The following PIWIL1 variants were observed in gnomAD, a reference collection of about 807,000 sequenced individuals.
The protein encoded by PIWIL1 is piwi-like protein 1.
PIWIL1 carries 73 observed loss-of-function variants against 114.4 expected under a neutral mutation model. The ratio of observed to expected loss-of-function variants is 0.64; its 90% confidence interval spans 0.53 to 0.78. The LOEUF (loss-of-function observed/expected upper bound fraction) is 0.78. PIWIL1 is among the 30% of genes least tolerant of loss of function. The pLI is 0.00. For missense variants in PIWIL1, 723 were observed against 1,063.1 expected (o/e 0.68, Z 4.45); for synonymous variants, 375 against 369.0 (o/e 1.02, Z -0.19).
At chr12:130,364,434 A>G (rs35608650) in intron 18 of PIWIL1, among the ~76,000 whole-genome samples, 4,032 of 152,314 alleles carry the variant, frequency 0.026, 64 homozygotes, top group Middle Eastern at 0.051. Context: ...CCAATGCTAA[A>G]AGGCCCCACA....
chr12:130,422,798 TG>T, the PIWIL1 span, among the ~76,000 whole-genome samples: 4 of 152,046 alleles, frequency 2.6e-5, no homozygotes, highest in Non-Finnish European at 5.9e-5. This position sits in a 1 kb window ranked among gnomAD's most constrained non-coding sequence, Gnocchi z 5.2. Context: ...TAATTCCTTG[TG>T]GGGGGGTCTC....
chr12:130,345,570 T>C, intron 3 of PIWIL1, 183 bp from the exon 4 acceptor site: 2 of 584,216 alleles, frequency 3.4e-6, no homozygotes, highest in Non-Finnish European at 2.9e-6. Flanking sequence ...AATGAAGTTA[T>C]AACTAGGAAA....
chr12:130,424,885 G>A, the PIWIL1 span: 2 of 1,206,996 alleles, frequency 1.7e-6, no homozygotes. This position sits in a 1 kb window ranked among gnomAD's most constrained non-coding sequence, Gnocchi z 9.8. Context: ...TCAAGAACAG[G>A]CGCGGGAAAG....
the PIWIL1 span, among the ~76,000 whole-genome samples, chr12:130,392,216 A>ACCGTCATCACATGTCCGTCAGTTACCTG: frequency 8.9e-5 from 1 of 11,174 alleles, no homozygotes; most frequent in Non-Finnish European, 1.7e-4. Context: ...TCAGTTACCC[A>ACCGTCATCACATGTCCGTCAGTTACCTG]GTGAATATTG....
In PIWIL1 at chr12:130,362,820, C is replaced by T. The variant is rs377358932; in HGVS notation, c.2025C>T (p.Leu675=). The T allele has an allele frequency of 4.3e-6, 7 of 1,614,056 alleles. No homozygotes were observed. Among genetic ancestry groups the T allele is most frequent in the South Asian group, 3.3e-5 (3 of 91,076 alleles). The change falls in exon 17 of 21, where the codon CTC becomes CTT. Residue 675 remains leucine, a synonymous_variant. Coordinates refer to ENST00000245255, the MANE Select transcript of PIWIL1 (RefSeq NM_004764.5). ...GAGGACAGGAGCTGGTAGATGGGCT[C>T]AAAGTCTGCCTGCAAGGTTAGTCAC... ...QDRGQELVDG[L]KVCLQAALRA...
chr12:130,413,077 C>T, the PIWIL1 span, among the ~76,000 whole-genome samples: 4 of 151,972 alleles, frequency 2.6e-5, no homozygotes, highest in Non-Finnish European at 4.4e-5. Context: ...TTTAAATTCA[C>T]GCACATTAAA....
In PIWIL1 at chr12:130,371,610, C is replaced by T. The variant is rs371432936; in HGVS notation, c.*12C>T. ...TTTACTACCTCTAACCTGCAGAAGA[C>T]GATGCAGCCGCTTTTCTTTTTGAAA... On this transcript the variant is annotated 3_prime_UTR_variant, in exon 21 of 21. Transcript: ENST00000245255. 71 of 1,446,552 alleles carry T rather than the reference C, an allele frequency of 4.9e-5. No individual in the cohort carries two copies. The highest frequency in any genetic ancestry group is 1.8e-4 in the Middle Eastern group (1 of 5,666). 89.6% of individuals were successfully genotyped at this position (1,446,552 alleles called of 1,614,324 possible).
chr12:130,356,065 A>C (rs988328187), intron 12 of PIWIL1, among the ~76,000 whole-genome samples: 27 of 152,032 alleles, frequency 1.8e-4, no homozygotes, highest in African/African-American at 5.8e-4. Flanking sequence ...TTTTTCAATA[A>C]CTTGAGCTAA....
the PIWIL1 span, chr12:130,396,687 C>T: frequency 1.3e-5 from 2 of 152,718 alleles, no homozygotes; most frequent in Non-Finnish European, 2.9e-5. Flanking sequence ...TGGTGCTTTA[C>T]CAAACAAAGT....
chr12:130,377,343 C>G (rs911413338), downstream of PIWIL1, among the ~76,000 whole-genome samples: 1 of 152,166 alleles, frequency 6.6e-6, no homozygotes, highest in Non-Finnish European at 1.5e-5. Context: ...GGGCTCTGCC[C>G]CAACAGTGGT....
At chr12:130,418,038 G>A in the PIWIL1 span, among the ~76,000 whole-genome samples, 42 of 152,308 alleles carry the variant, frequency 2.8e-4, no homozygotes, top group African/African-American at 2.4e-5. Context: ...GTGGTGGGAC[G>A]AGATGACACA....
intron 1 of PIWIL1, among the ~76,000 whole-genome samples, chr12:130,339,238 G>A (rs1472690032): frequency 6.6e-6 from 1 of 152,122 alleles, no homozygotes; most frequent in Non-Finnish European, 1.5e-5. Context: ...CCGGCCCTTG[G>A]CACCTGTGGA....
the PIWIL1 span, among the ~76,000 whole-genome samples, chr12:130,421,971 G>A: frequency 6.6e-6 from 1 of 152,186 alleles, no homozygotes; most frequent in Non-Finnish European, 1.5e-5. Context: ...ATGGATGTGG[G>A]GAGCACACAT....
chr12:130,414,045 C>A, the PIWIL1 span: 4 of 1,435,708 alleles, frequency 2.8e-6, no homozygotes, highest in African/African-American at 4.2e-5. Flanking sequence ...TAAGTCGATA[C>A]CCTGTTGCCA....
chr12:130,385,717 C>A, the PIWIL1 span, among the ~76,000 whole-genome samples: 2 of 152,142 alleles, frequency 1.3e-5, no homozygotes, highest in African/African-American at 4.8e-5. Context: ...TAAGGCAAAA[C>A]AGACATGTTT....
downstream of PIWIL1, chr12:130,372,660 G>A (rs1428335544): frequency 1.1e-4 from 14 of 130,930 alleles, no homozygotes; most frequent in South Asian, 2.9e-4. Context: ...TGTCTCTTAC[G>A]AACTCTAATG....
chr12:130,424,022 C>G, the PIWIL1 span: 1 of 502,570 alleles, frequency 2.0e-6, no homozygotes, highest in Non-Finnish European at 3.1e-6. This position sits in a 1 kb window ranked among gnomAD's most constrained non-coding sequence, Gnocchi z 9.8. Flanking sequence ...GCAGGGAAAA[C>G]GAAAGACAGC....
the PIWIL1 span, among the ~76,000 whole-genome samples, chr12:130,418,037 C>T: frequency 7.9e-5 from 12 of 152,076 alleles, no homozygotes; most frequent in East Asian, 1.7e-3. Flanking sequence ...GGTGGTGGGA[C>T]GAGATGACAC....
the PIWIL1 span, among the ~76,000 whole-genome samples, chr12:130,391,433 T>C: frequency 1.3e-5 from 2 of 152,336 alleles, no homozygotes; most frequent in East Asian, 1.9e-4. Flanking sequence ...TTTTGGTGAC[T>C]GCTCATCAAA....
Sources: gnomAD v4.1 joint callset for allele counts (sites outside exome capture counted in the v4.1 genomes callset) on GRCh38, gnomAD v4.1.1 for gene constraint, Gnocchi (gnomAD v3.1) non-coding constraint, MANE v1.5 for transcripts, NCBI Gene and HGNC (gene_info 2026-07-23, HGNC 2026-07-21) for gene names.